SIK3: variants seen among roughly 807,000 people sequenced by gnomAD.
SIK3 encodes serine/threonine-protein kinase SIK3.
SIK3 carries 28 observed loss-of-function variants against 144.2 expected under a neutral mutation model. The observed-to-expected ratio is 0.19, with a 90% CI of 0.14 to 0.27. SIK3 has a LOEUF of 0.27. Among genes scored for constraint, SIK3 ranks in the 10% least tolerant of loss-of-function variants. SIK3 has a pLI of 1.00. For synonymous variants in SIK3, 686 were observed against 676.3 expected, an observed-to-expected ratio of 1.01 and a Z score of -0.22; for missense variants, 1,319 against 1,776.0, an observed-to-expected ratio of 0.74 and a Z score of 4.62.
intron 1 of SIK3, among the ~76,000 whole-genome samples, chr11:117,023,609 C>CAAAAAAAA (rs71469123): frequency 1.5e-3 from 76 of 51,974 alleles, no homozygotes; most frequent in African/African-American, 6.0e-3. Context: ...AACAAACAAA[C>CAAAAAAAA]AAAAAAAAAA....
chr11:117,035,513 TA>T (rs1952455511), intron 1 of SIK3, among the ~76,000 whole-genome samples: 1 of 152,202 alleles, frequency 6.6e-6, no homozygotes, highest in Non-Finnish European at 1.5e-5. Context: ...TTGTACTGGT[TA>T]TTTTAACTCA....
intron 1 of SIK3, among the ~76,000 whole-genome samples, chr11:116,966,733 T>C (rs2135445084): frequency 6.6e-6 from 1 of 152,024 alleles, no homozygotes; most frequent in Middle Eastern, 3.4e-3. Flanking sequence ...GAAATTAAAC[T>C]ATAAAAAATG....
chr11:116,928,864 T>C (rs1276937259), intron 3 of SIK3, among the ~76,000 whole-genome samples: 2 of 152,240 alleles, frequency 1.3e-5, no homozygotes, highest in East Asian at 3.8e-4. Flanking sequence ...CACACAAGGC[T>C]TTTGAAGCAT....
At chr11:116,969,451 GA>G (rs1439115515) in intron 1 of SIK3, among the ~76,000 whole-genome samples, 1 of 152,190 alleles carries the variant, frequency 6.6e-6, no homozygotes, top group African/African-American at 2.4e-5. Flanking sequence ...AATGTTAATT[GA>G]TAATAATGTC....
At chr11:117,055,345 G>C (rs1035460809) in intron 1 of SIK3, among the ~76,000 whole-genome samples, 3 of 152,174 alleles carry the variant, frequency 2.0e-5, no homozygotes, top group Admixed American at 1.3e-4. Flanking sequence ...TATTTTAAAT[G>C]TTTTACACAC....
chr11:117,053,664 C>T (rs1047356400), intron 1 of SIK3, among the ~76,000 whole-genome samples: 2 of 151,586 alleles, frequency 1.3e-5, no homozygotes, highest in Non-Finnish European at 2.9e-5. Flanking sequence ...CCACCCTACC[C>T]CCTCCACTGA....
At chr11:117,075,839 GC>G (rs1234302465) in intron 1 of SIK3, among the ~76,000 whole-genome samples, 2 of 83,168 alleles carry the variant, frequency 2.4e-5, no homozygotes, top group African/African-American at 1.3e-4. Flanking sequence ...ACCAAGCCTG[GC>G]TTTTTTTTTT....
intron 1 of SIK3, among the ~76,000 whole-genome samples, chr11:117,006,712 G>T (rs1045448857): frequency 4.6e-5 from 7 of 152,070 alleles, no homozygotes; most frequent in Non-Finnish European, 7.4e-5. Context: ...AAAGCATGGG[G>T]GTAGGAGGTG....
intron 1 of SIK3, among the ~76,000 whole-genome samples, chr11:117,014,576 T>TA (rs932618667): frequency 2.7e-5 from 4 of 148,114 alleles, no homozygotes; most frequent in South Asian, 2.2e-4. Context: ...ACAAGTACAA[T>TA]AAAAAAAAGG....
chr11:117,009,692 A>C (rs1405540104), intron 1 of SIK3, among the ~76,000 whole-genome samples: 2 of 152,242 alleles, frequency 1.3e-5, no homozygotes, highest in East Asian at 3.8e-4. Context: ...CTATTATTAT[A>C]GCATTCTCTA....
intron 20 of SIK3, 63 bp downstream of exon 20, chr11:116,859,202 T>C: frequency 6.8e-7 from 1 of 1,479,096 alleles, no homozygotes. Context: ...CTCACTCTGC[T>C]AAGGGGCTTC....
At chr11:116,975,858 C>A (rs538158580) in intron 1 of SIK3, among the ~76,000 whole-genome samples, 7 of 152,334 alleles carry the variant, frequency 4.6e-5, no homozygotes, top group African/African-American at 1.7e-4. Flanking sequence ...CTACTTTCCA[C>A]ATATCCTAAC....
chr11:117,096,203 G>A (rs539450983), intron 1 of SIK3, among the ~76,000 whole-genome samples: 1 of 152,250 alleles, frequency 6.6e-6, no homozygotes, highest in East Asian at 1.9e-4. Flanking sequence ...TTACATTTAC[G>A]AAAACATTCA....
At chr11:116,908,175 CTT>C (rs1946149224) in intron 4 of SIK3, among the ~76,000 whole-genome samples, 1 of 152,092 alleles carries the variant, frequency 6.6e-6, no homozygotes, top group African/African-American at 2.4e-5. Context: ...ATATTTGTAA[CTT>C]ATAAAATAAA....
rs1175343199 is a variant in SIK3 at position 116,849,959 on chromosome 11, A to T, written c.3656-676T>A. Among the ~76,000 whole-genome samples, 1 of 152,152 alleles carries T rather than the reference A, an allele frequency of 6.6e-6. No homozygotes were observed. Among genetic ancestry groups the T allele is most frequent in the Non-Finnish European group, 1.5e-5 (1 of 68,020 alleles). ...TTCCCTGGATATCTAACCAGCATGT[A>T]ACACTTACCATGTCCAATTCCAAAC... On this transcript the variant is annotated intron_variant, in intron 21 of 24. Coordinates refer to ENST00000445177, the MANE Select transcript of SIK3 (RefSeq NM_001366686.3). The surrounding 1 kb of genome is among the most constrained non-coding windows in gnomAD (Gnocchi z 4.2).
chr11:116,890,965 T>A lies in SIK3; in HGVS notation c.865+5288A>T, dbSNP rs573199246. Among the ~76,000 whole-genome samples, 11 of 152,256 alleles carry A rather than the reference T, an allele frequency of 7.2e-5. No individual in the cohort carries two copies. The East Asian group carries it at 2.1e-3, about 29-fold the overall frequency. ...TTAGTAAGTCGAAATCAGCATTTTT[T>A]AAAATGGAATAGAATAAAATATATT... On this transcript the variant is annotated intron_variant, in intron 6 of 24. Coordinates refer to ENST00000445177, the MANE Select transcript of SIK3 (RefSeq NM_001366686.3).
intron 1 of SIK3, among the ~76,000 whole-genome samples, chr11:117,059,251 C>A (rs548613563): frequency 2.6e-5 from 4 of 152,164 alleles, no homozygotes; most frequent in South Asian, 2.1e-4. Flanking sequence ...AAGTAATCAA[C>A]ATGGACATTA....
chr11:117,027,763 G>A (rs4938325), intron 1 of SIK3, among the ~76,000 whole-genome samples: 24,304 of 151,644 alleles, frequency 0.16, 2,061 homozygotes, highest in Admixed American at 0.21. Context: ...CACTGTGCCC[G>A]GCCCAGGGAA....
intron 1 of SIK3, among the ~76,000 whole-genome samples, chr11:117,020,101 G>C (rs1231276570): frequency 6.6e-6 from 1 of 151,870 alleles, no homozygotes. Flanking sequence ...GGGGTTTGAC[G>C]AATGAGCCAG....
Sources: gnomAD v4.1 joint callset for allele counts (sites outside exome capture counted in the v4.1 genomes callset) on GRCh38, gnomAD v4.1.1 for gene constraint, Gnocchi (gnomAD v3.1) non-coding constraint, MANE v1.5 for transcripts, NCBI Gene and HGNC (gene_info 2026-07-23, HGNC 2026-07-21) for gene names.